The following EFNA5 variants were observed in gnomAD, a reference collection of about 807,000 sequenced individuals.
The protein encoded by EFNA5 is ephrin-A5.
In EFNA5, 5 loss-of-function variants were observed where a neutral mutation model predicts 22.9. That is an observed-to-expected ratio of 0.22 (90% CI 0.11 to 0.46). The LOEUF (loss-of-function observed/expected upper bound fraction) is 0.46. Among genes scored for constraint, EFNA5 ranks in the 20% least tolerant of loss-of-function variants. EFNA5 has a pLI of 0.99. For synonymous variants in EFNA5, 113 were observed against 112.2 expected (o/e 1.01, Z -0.04); for missense variants, 237 against 293.3 (o/e 0.81, Z 1.40).
chr5:107,428,405 C>A (rs252804), intron 1 of EFNA5, among the ~76,000 whole-genome samples: 3 of 152,012 alleles, frequency 2.0e-5, no homozygotes, highest in Non-Finnish European at 4.4e-5. Flanking sequence ...ATGTACACAC[C>A]TGAATACACA....
chr5:107,395,404 A>C (rs937707709), intron 2 of EFNA5, among the ~76,000 whole-genome samples: 1 of 152,130 alleles, frequency 6.6e-6, no homozygotes, highest in Non-Finnish European at 1.5e-5. Flanking sequence ...CTGAATGTAA[A>C]CTTCACCTCT....
intron 1 of EFNA5, among the ~76,000 whole-genome samples, chr5:107,548,985 C>T (rs771652375): frequency 2.0e-5 from 3 of 152,182 alleles, no homozygotes; most frequent in Non-Finnish European, 4.4e-5. Context: ...TACACATACA[C>T]ATTTTTGCAA....
chr5:107,521,949 C>G (rs13175742), intron 1 of EFNA5, among the ~76,000 whole-genome samples: 1 of 152,104 alleles, frequency 6.6e-6, no homozygotes, highest in African/African-American at 2.4e-5. Context: ...TTGCCTCAGC[C>G]TCTGGATTAG....
chr5:107,414,887 G>A (rs1376765556), intron 2 of EFNA5, among the ~76,000 whole-genome samples: 1 of 151,722 alleles, frequency 6.6e-6, no homozygotes, highest in Non-Finnish European at 1.5e-5. Context: ...TAAAAAAAAA[G>A]AGAAACTCAA....
intron 1 of EFNA5, among the ~76,000 whole-genome samples, chr5:107,528,892 C>G (rs1747753178): frequency 6.6e-6 from 1 of 152,060 alleles, no homozygotes. Flanking sequence ...TGGTTAGAAG[C>G]TTTATTTGTA....
intron 1 of EFNA5, among the ~76,000 whole-genome samples, chr5:107,568,008 C>A (rs1188342485): frequency 1.3e-5 from 2 of 152,168 alleles, no homozygotes; most frequent in Admixed American, 1.3e-4. Context: ...ATGATCTTCC[C>A]ACCTCAGCTT....
At chr5:107,412,293 G>A (rs936021441) in intron 2 of EFNA5, among the ~76,000 whole-genome samples, 6 of 151,938 alleles carry the variant, frequency 3.9e-5, no homozygotes, top group Non-Finnish European at 7.4e-5. Context: ...TGGAATGTAC[G>A]GTAAAATACA....
chr5:107,399,239 G>A (rs1047841975), intron 2 of EFNA5, among the ~76,000 whole-genome samples: 1 of 151,784 alleles, frequency 6.6e-6, no homozygotes, highest in Non-Finnish European at 1.5e-5. Context: ...ATCACCTGAG[G>A]GTCAGAAGTT....
chr5:107,506,150 C>G (rs951459568), intron 1 of EFNA5: 1 of 152,344 alleles, frequency 6.6e-6, no homozygotes, highest in African/African-American at 2.4e-5. Flanking sequence ...TCCATGAACC[C>G]TTCCCAGATT....
chr5:107,593,198 CAG>C (rs915214224), intron 1 of EFNA5, among the ~76,000 whole-genome samples: 1 of 152,136 alleles, frequency 6.6e-6, no homozygotes, highest in African/African-American at 2.4e-5. Context: ...TAATCAGATA[CAG>C]AGACTCGACC....
chr5:107,649,883 A>T (rs1750695360), intron 1 of EFNA5, among the ~76,000 whole-genome samples: 1 of 152,166 alleles, frequency 6.6e-6, no homozygotes, highest in South Asian at 2.1e-4. Flanking sequence ...AATGAGAAAG[A>T]TGAAACAGGG....
intron 1 of EFNA5, among the ~76,000 whole-genome samples, chr5:107,610,797 T>G (rs1333006065): frequency 6.6e-6 from 1 of 152,182 alleles, no homozygotes; most frequent in Non-Finnish European, 1.5e-5. Flanking sequence ...TGGCACTTTT[T>G]CTAGCAGCCC....
At chr5:107,394,492 C>A (rs1747868634) in intron 2 of EFNA5, among the ~76,000 whole-genome samples, 1 of 152,106 alleles carries the variant, frequency 6.6e-6, no homozygotes, top group Non-Finnish European at 1.5e-5. Flanking sequence ...ACATATTCTG[C>A]AAGTTAAAAC....
chr5:107,423,283 A>G (rs992020205), intron 2 of EFNA5, among the ~76,000 whole-genome samples: 4 of 152,266 alleles, frequency 2.6e-5, no homozygotes, highest in African/African-American at 9.6e-5. Flanking sequence ...TAACTTATTA[A>G]AAGGATTTCC....
chr5:107,555,670 C>A (rs1748395197), intron 1 of EFNA5, among the ~76,000 whole-genome samples: 2 of 152,172 alleles, frequency 1.3e-5, no homozygotes, highest in South Asian at 4.1e-4. Flanking sequence ...TATACACATT[C>A]TTCTATAATC....
intron 1 of EFNA5, among the ~76,000 whole-genome samples, chr5:107,589,812 C>T (rs948775992): frequency 1.3e-5 from 2 of 152,164 alleles, no homozygotes; most frequent in Non-Finnish European, 2.9e-5. Context: ...GTCTCAGGTA[C>T]TAAAGCATCT....
At chr5:107,571,536 C>T (rs1295488326) in intron 1 of EFNA5, among the ~76,000 whole-genome samples, 1 of 128,162 alleles carries the variant, frequency 7.8e-6, no homozygotes, top group African/African-American at 2.8e-5. Context: ...CAAGGGTCAT[C>T]CTCTTTTTTT....
At chr5:107,454,808 G>A (rs1261921172) in intron 1 of EFNA5, among the ~76,000 whole-genome samples, 1 of 152,106 alleles carries the variant, frequency 6.6e-6, no homozygotes, top group Non-Finnish European at 1.5e-5. Context: ...AGAAAAAAAT[G>A]TATAAATCTT....
Position 107,380,116 on chromosome 5 carries a change from G to C in EFNA5, c.*1139C>G, listed in dbSNP as rs117277019. On this transcript the variant is annotated 3_prime_UTR_variant, in exon 5 of 5. Transcript: ENST00000333274. ...TGCTGACTGACTCTCCTGGTGACAGGGGTTTGTGTCCGAGCCCCTGCGGTC... is the reference window on the plus strand; with the variant it reads ...TGCTGACTGACTCTCCTGGTGACAGCGGTTTGTGTCCGAGCCCCTGCGGTC... The C allele has an allele frequency of 6.6e-6, 1 of 151,842 alleles. No individual in the cohort carries two copies. The highest frequency in any genetic ancestry group is 6.6e-5 in the Admixed American group (1 of 15,220). 9.4% of individuals were successfully genotyped at this position (151,842 alleles called of 1,614,324 possible). A position where few individuals can be genotyped will look rare whatever the true frequency, so the allele number is the denominator to read the frequency against.
Sources: allele counts gnomAD v4.1 joint callset (sites outside exome capture counted in the v4.1 genomes callset), GRCh38; gene constraint gnomAD v4.1.1; transcripts MANE v1.5; gene names NCBI Gene and HGNC (gene_info 2026-07-23, HGNC 2026-07-21).